The following CA10 variants were observed in gnomAD, a reference collection of about 807,000 sequenced individuals.
CA10 encodes carbonic anhydrase-related protein 10.
Under a neutral mutation model 44.2 loss-of-function variants are expected in CA10, and 14 were observed. The ratio of observed to expected loss-of-function variants is 0.32; its 90% CI spans 0.21 to 0.50. The LOEUF (loss-of-function observed/expected upper bound fraction) is 0.50, where lower values mean the gene tolerates loss of function less well. CA10 is among the 20% of genes least tolerant of loss of function. The pLI, the probability that CA10 is intolerant of heterozygous loss-of-function variation, is 0.99. For synonymous variants in CA10, 159 were observed against 141.6 expected (o/e 1.12, Z -0.87); for missense variants, 350 against 409.7 (o/e 0.85, Z 1.26).
intron 2 of CA10, among the ~76,000 whole-genome samples, chr17:51,965,224 A>G (rs886835737): frequency 6.6e-6 from 1 of 152,004 alleles, no homozygotes; most frequent in African/African-American, 2.4e-5. Context: ...GAACAAATCA[A>G]TAATGAGTTC....
intron 3 of CA10, among the ~76,000 whole-genome samples, chr17:51,912,400 G>A (rs563417320): frequency 1.9e-4 from 29 of 152,256 alleles, no homozygotes; most frequent in Non-Finnish European, 3.7e-4. Context: ...GAGTCCAAGT[G>A]CATTCCTTGT....
intron 2 of CA10, among the ~76,000 whole-genome samples, chr17:51,994,403 G>T (rs203040): frequency 2.0e-5 from 3 of 151,802 alleles, no homozygotes; most frequent in Non-Finnish European, 2.9e-5. Context: ...GTCAAGTCAC[G>T]TTTCTTTTCT....
intron 3 of CA10, among the ~76,000 whole-genome samples, chr17:51,828,121 G>T (rs972512040): frequency 6.6e-6 from 1 of 152,194 alleles, no homozygotes; most frequent in South Asian, 2.1e-4. Flanking sequence ...CACTGAGATT[G>T]TAGAATTCAT....
chr17:51,884,636 G>A (rs2143894950), intron 3 of CA10, among the ~76,000 whole-genome samples: 1 of 152,226 alleles, frequency 6.6e-6, no homozygotes, highest in South Asian at 2.1e-4. Flanking sequence ...ATAGCACTTA[G>A]TACAAAATGA....
At chr17:51,948,119 T>C (rs1983352079) in intron 2 of CA10, among the ~76,000 whole-genome samples, 1 of 152,078 alleles carries the variant, frequency 6.6e-6, no homozygotes, top group African/African-American at 2.4e-5. Context: ...TTAGACACAG[T>C]GAAATTTCTT....
chr17:51,928,591 C>T (rs922110016), intron 3 of CA10, among the ~76,000 whole-genome samples: 17 of 152,188 alleles, frequency 1.1e-4, no homozygotes, highest in East Asian at 3.9e-4. Context: ...GATAAAAATG[C>T]GACACAAAAC....
chr17:52,102,965 CT>C, intron 1 of CA10, among the ~76,000 whole-genome samples: 1 of 152,236 alleles, frequency 6.6e-6, no homozygotes, highest in East Asian at 1.9e-4. Flanking sequence ...TCCTCAAGGG[CT>C]TTCATGTATT....
At chr17:51,746,486 G>A (rs1423874557) in intron 4 of CA10, among the ~76,000 whole-genome samples, 1 of 152,202 alleles carries the variant, frequency 6.6e-6, no homozygotes, top group Non-Finnish European at 1.5e-5. Flanking sequence ...TTACAGCCCA[G>A]TTCAAGGGGC....
chr17:51,694,346 T>C (rs1915328700), intron 4 of CA10, among the ~76,000 whole-genome samples: 1 of 152,214 alleles, frequency 6.6e-6, no homozygotes, highest in Admixed American at 6.5e-5. Context: ...ATAATAGCCA[T>C]TCTGACTTGT....
intron 1 of CA10, among the ~76,000 whole-genome samples, chr17:52,143,973 A>T (rs759415519): frequency 6.6e-6 from 1 of 152,212 alleles, no homozygotes; most frequent in Non-Finnish European, 1.5e-5. Context: ...TTTTGCTGAA[A>T]TGCTCAGATC....
chr17:51,720,380 T>A (rs1414383805), intron 4 of CA10, among the ~76,000 whole-genome samples: 1 of 152,172 alleles, frequency 6.6e-6, no homozygotes, highest in African/African-American at 2.4e-5. Context: ...TTTATGCTAA[T>A]GAGGTGACTT....
At chr17:51,999,910 C>T (rs906374588) in intron 2 of CA10, among the ~76,000 whole-genome samples, 2 of 152,016 alleles carry the variant, frequency 1.3e-5, no homozygotes, top group African/African-American at 2.4e-5. Flanking sequence ...CTCTTTACAG[C>T]TCCTATCAGG....
At position 51,814,423 on chromosome 17, in the gene CA10, C is replaced by T. The variant is rs1199291587; in HGVS notation, c.280-66605G>A. Among the ~76,000 whole-genome samples, 3 of 152,110 alleles carry T rather than the reference C, an allele frequency of 2.0e-5. No individual in the cohort carries two copies. The East Asian group carries it at 5.8e-4, about 29-fold the overall frequency. On this transcript the variant is annotated intron_variant, in intron 3 of 8. Coordinates refer to ENST00000451037, the MANE Select transcript of CA10 (RefSeq NM_020178.5). ...ATGTGTTTTGGGAAAATATTAGTCC[C>T]TCAAGATACTCTATGAAGAAATGTA... is the stretch of plus-strand genomic sequence containing the variant.
intron 2 of CA10, among the ~76,000 whole-genome samples, chr17:52,045,143 A>C (rs1417905201): frequency 3.3e-5 from 5 of 152,030 alleles, no homozygotes; most frequent in African/African-American, 1.2e-4. Flanking sequence ...TACGCAAAAC[A>C]AAACTAACTG....
At chr17:51,839,956 C>A (rs962494398) in intron 3 of CA10, among the ~76,000 whole-genome samples, 1 of 152,146 alleles carries the variant, frequency 6.6e-6, no homozygotes, top group Non-Finnish European at 1.5e-5. Flanking sequence ...CTTACACTTA[C>A]GCTAGAAAGT....
At chr17:52,022,660 G>T (rs1986179638) in intron 2 of CA10, among the ~76,000 whole-genome samples, 1 of 151,238 alleles carries the variant, frequency 6.6e-6, no homozygotes, top group Non-Finnish European at 1.5e-5. Context: ...AGGAAAAAAA[G>T]TCAAATTATC....
At chr17:51,712,235 C>A (rs1441387815) in intron 4 of CA10, among the ~76,000 whole-genome samples, 2 of 152,158 alleles carry the variant, frequency 1.3e-5, no homozygotes, top group Non-Finnish European at 2.9e-5. Context: ...TTCACAAACA[C>A]CCACTGAAGA....
At chr17:51,703,967 T>C (rs1266313207) in intron 4 of CA10, among the ~76,000 whole-genome samples, 1 of 152,150 alleles carries the variant, frequency 6.6e-6, no homozygotes, top group South Asian at 2.1e-4. Context: ...TGGGGTCACA[T>C]TGATGCTGTG....
intron 3 of CA10, among the ~76,000 whole-genome samples, chr17:51,878,423 T>C (rs1342205948): frequency 6.6e-6 from 1 of 152,098 alleles, no homozygotes; most frequent in Non-Finnish European, 1.5e-5. Context: ...TTACCCCAGC[T>C]ATTTAGAGAT....
Sources: allele counts gnomAD v4.1 joint callset (sites outside exome capture counted in the v4.1 genomes callset), GRCh38; gene constraint gnomAD v4.1.1; transcripts MANE v1.5; gene names NCBI Gene and HGNC (gene_info 2026-07-23, HGNC 2026-07-21).